ZFP64: variants seen among roughly 807,000 people sequenced by gnomAD.
The protein encoded by ZFP64 is ZFP64 zinc finger protein.
In ZFP64, 14 loss-of-function variants were observed where a neutral mutation model predicts 51.6. That is an observed-to-expected ratio of 0.27 (90% confidence interval 0.18 to 0.42). The LOEUF (loss-of-function observed/expected upper bound fraction) is 0.42, where lower values mean the gene tolerates loss of function less well. Ranked by LOEUF, ZFP64 falls within the 10% of genes least tolerant of loss-of-function variation. ZFP64 has a pLI of 1.00. For synonymous variants in ZFP64, 375 were observed against 361.4 expected (o/e 1.04, Z -0.43); for missense variants, 754 against 906.8 (o/e 0.83, Z 2.16).
intron 5 of ZFP64, among the ~76,000 whole-genome samples, chr20:52,127,656 A>G (rs964475207): frequency 6.6e-6 from 1 of 152,196 alleles, no homozygotes; most frequent in African/African-American, 2.4e-5. Context: ...ACTCAGTCTC[A>G]CACAATTCTT....
intron 5 of ZFP64, among the ~76,000 whole-genome samples, chr20:52,143,518 T>C (rs1462682381): frequency 7.0e-6 from 1 of 142,446 alleles, no homozygotes; most frequent in Non-Finnish European, 1.6e-5. Flanking sequence ...TATTGTTGTT[T>C]TTGAGCTATT....
Position 52,084,783 on chromosome 20 carries a change from A to G in ZFP64, c.1712T>C (p.Val571Ala). 2.5e-6 allele frequency: 4 copies of G among 1,614,194 alleles called. No individual in the cohort carries two copies. Among genetic ancestry groups the G allele is most frequent in the Non-Finnish European group, 2.5e-6 (3 of 1,180,022 alleles). The change falls in exon 9 of 9, where the codon GTG (valine) becomes GCG (alanine). Residue 571 changes from valine to alanine, a missense_variant. Coordinates refer to the ZFP64 transcript ENST00000361387. ...GGCCCTCTGCGTCACGATCTTGGCC[A>G]CGTGCTGGGAGCTGCCCTCTCTGAG...
At chr20:52,145,696 T>A (rs879550275) in intron 5 of ZFP64, among the ~76,000 whole-genome samples, 2 of 151,910 alleles carry the variant, frequency 1.3e-5, no homozygotes, top group Non-Finnish European at 2.9e-5. Flanking sequence ...AAGATAAAAA[T>A]ATGGTGCACC....
Position 52,152,557 on chromosome 20 carries a change from C to G in ZFP64, c.1635G>C (p.Gln545His). Residue 545 changes from glutamine (Q) to histidine (H), a missense_variant, in exon 6 of 6, where the codon CAG (glutamine) becomes CAC (histidine). By Grantham distance (24) the Gln-to-His change is conservative. Transcript: ENST00000216923. ...PGNSRLQILRQVSLIAPPQSS... is the reference protein window; with the variant it reads ...PGNSRLQILRHVSLIAPPQSS... ...ACTGAGGGGGGGCGATCAGACTGAC[C>G]TGGCGCAGGATCTGCAGCCGGCTGT... is the stretch of plus-strand genomic sequence containing the variant. 1.3e-6 allele frequency: 2 copies of G among 1,574,056 alleles called. No homozygotes were observed. Among genetic ancestry groups the G allele is most frequent in the Non-Finnish European group, 1.7e-6 (2 of 1,161,720 alleles).
rs145887617 is a variant in ZFP64, at chr20:52,187,870, C to G, written c.47-799G>C. ...TGCAGAACCAGCAGCCACCTCCTAT[C>G]CCAACTAAAAGGTAATTGTGAAAAC... is the stretch of plus-strand genomic sequence containing the variant. On this transcript the variant is annotated intron_variant, in intron 1 of 5. Coordinates refer to ENST00000216923, the MANE Select transcript of ZFP64 (RefSeq NM_018197.3). Among the ~76,000 whole-genome samples, 749 of 152,284 alleles carry G rather than the reference C, an allele frequency of 4.9e-3. 2 individuals carry two copies. The highest frequency in any genetic ancestry group is 6.6e-3 in the Non-Finnish European group (448 of 68,034).
At chr20:52,184,254 T>G (rs1983808900) in intron 2 of ZFP64, among the ~76,000 whole-genome samples, 2 of 152,160 alleles carry the variant, frequency 1.3e-5, no homozygotes, top group African/African-American at 4.8e-5. Context: ...GATGTATTGT[T>G]TGGCAACAAA....
chr20:52,137,206 A>G (rs1980023558), intron 5 of ZFP64, among the ~76,000 whole-genome samples: 1 of 152,218 alleles, frequency 6.6e-6, no homozygotes, highest in African/African-American at 2.4e-5. Context: ...TTTTAAGATT[A>G]ATAATATTTC....
chr20:52,139,442 C>G (rs1324803046), intron 5 of ZFP64, among the ~76,000 whole-genome samples: 3 of 152,072 alleles, frequency 2.0e-5, no homozygotes, highest in Non-Finnish European at 4.4e-5. Context: ...TAAGTGGGAG[C>G]TAAACATTGA....
chr20:52,136,617 A>C lies in ZFP64; in HGVS notation c.763+23506T>G, dbSNP rs536602528. On this transcript the variant is annotated intron_variant, in intron 5 of 8. Transcript: ENST00000361387. The stretch of plus-strand genomic sequence containing the variant: ...AGCAACTGCTGAAAAATGGTTTTTT[A>C]AAAATTCATAATCATAAAGAATATA... 4.6e-5 allele frequency among the ~76,000 whole-genome samples: 7 copies of C among 152,308 alleles called. No individual in the cohort carries two copies. In the East Asian group the frequency reaches 1.3e-3, roughly 29 times the overall value.
chr20:52,154,276 G>A (rs1425009131), intron 5 of ZFP64, among the ~76,000 whole-genome samples: 1 of 152,138 alleles, frequency 6.6e-6, no homozygotes, highest in Non-Finnish European at 1.5e-5. Context: ...CACTCCACAA[G>A]CATGGTCTCG....
Position 52,097,507 on chromosome 20 carries a change from T to C in ZFP64, c.914-72A>G. ...TTTTGCTCTGTCGCCCAGGCTGGAG[T>C]GCAGTGGCTCCATCTCGGCTCACTG... On this transcript the variant is annotated intron_variant, in intron 6 of 8. Transcript: ENST00000361387. 3 of 1,421,858 alleles carry C rather than the reference T, an allele frequency of 2.1e-6. No homozygotes were observed. The South Asian group carries it at 3.9e-5, about 18-fold the overall frequency. 88.1% of individuals were successfully genotyped at this position (1,421,858 alleles called of 1,614,324 possible).
rs1980998730 is a variant in ZFP64, at chr20:52,153,066, A to T, written c.1126T>A (p.Cys376Ser). 2 of 1,614,052 alleles carry T rather than the reference A, an allele frequency of 1.2e-6. No homozygotes were observed. Among genetic ancestry groups the T allele is most frequent in the Admixed American group, 3.3e-5 (2 of 60,010 alleles). Reference protein sequence around the residue: ...CTDRPFKCNYCSFDTKQPSNL... With the variant: ...CTDRPFKCNYSSFDTKQPSNL... ...CTGGGCTGTTTGGTGTCGAAGCTGC[A>T]GTAGTTGCACTTGAAAGGGCGGTCG... Residue 376 changes from cysteine (C) to serine (S), a missense_variant, in exon 6 of 6, where the codon TGC (cysteine) becomes AGC (serine). By Grantham distance (112) the Cys-to-Ser change is moderately radical. Around this residue, in one of 3 missense-constraint regions of ZFP64, gnomAD observed 428 missense variants for 472.4 expected, o/e 0.91. Coordinates refer to ENST00000216923, the MANE Select transcript of ZFP64 (RefSeq NM_018197.3). The surrounding 1 kb of genome is among the most constrained non-coding windows in gnomAD (Gnocchi z 5.1).
chr20:52,087,698 C>T (rs970625708), intron 8 of ZFP64, among the ~76,000 whole-genome samples: 1 of 152,214 alleles, frequency 6.6e-6, no homozygotes, highest in Non-Finnish European at 1.5e-5. Context: ...CTTGGCTAGT[C>T]CCCCAAGCTT....
intron 2 of ZFP64, among the ~76,000 whole-genome samples, chr20:52,172,282 G>A (rs1023944727): frequency 3.3e-5 from 5 of 151,872 alleles, no homozygotes; most frequent in African/African-American, 1.2e-4. Flanking sequence ...CCTCTCACTA[G>A]CTATAGGGCC....
At chr20:52,105,096 C>A in intron 5 of ZFP64, 1 of 1,394,708 alleles carries the variant, frequency 7.2e-7, no homozygotes. Flanking sequence ...GCACCGGCCC[C>A]CAGCCCCCGG....
chr20:52,139,156 C>T (rs1347293537), intron 5 of ZFP64, among the ~76,000 whole-genome samples: 2 of 152,152 alleles, frequency 1.3e-5, no homozygotes, highest in African/African-American at 4.8e-5. Flanking sequence ...AACTACCACT[C>T]GACTCAGCAA....
At chr20:52,140,303 G>A (rs1411511832) in intron 5 of ZFP64, among the ~76,000 whole-genome samples, 1 of 152,178 alleles carries the variant, frequency 6.6e-6, no homozygotes, top group Non-Finnish European at 1.5e-5. Context: ...GGTTAAGCTC[G>A]GTGAGGAAGG....
chr20:52,089,173 C>A (rs2078896126), intron 7 of ZFP64: 1 of 373,332 alleles, frequency 2.7e-6, no homozygotes, highest in African/African-American at 2.1e-5. Flanking sequence ...TCATCACTAC[C>A]CCCTAGCCCA....
intron 5 of ZFP64, among the ~76,000 whole-genome samples, chr20:52,130,546 T>C (rs1432772088): frequency 1.3e-5 from 2 of 152,150 alleles, no homozygotes; most frequent in African/African-American, 4.8e-5. Context: ...TTTTCTCTTA[T>C]GAGAAGGCAG....
Sources: allele counts gnomAD v4.1 joint callset (sites outside exome capture counted in the v4.1 genomes callset), GRCh38; gene constraint gnomAD v4.1.1; regional missense constraint gnomAD v4.1.1; non-coding constraint Gnocchi (gnomAD v3.1); transcripts MANE v1.5; gene names NCBI Gene and HGNC (gene_info 2026-07-23, HGNC 2026-07-21).